FSHR: variants seen among roughly 807,000 people sequenced by gnomAD.
The protein encoded by FSHR is follicle-stimulating hormone receptor.
Under a neutral mutation model 52.1 loss-of-function variants are expected in FSHR, and 46 were observed. The ratio of observed to expected loss-of-function variants is 0.88; its 90% CI spans 0.70 to 1.13. FSHR has a LOEUF of 1.13. Ranked by LOEUF, FSHR falls within the 50% of genes most tolerant of loss-of-function variation. The pLI, the probability that FSHR is intolerant of heterozygous loss-of-function variation, is 0.00. For missense variants in FSHR, 964 were observed against 834.6 expected (o/e 1.16, Z -1.91); for synonymous variants, 399 against 309.6 (o/e 1.29, Z -3.03).
intron 2 of FSHR, among the ~76,000 whole-genome samples, chr2:49,051,681 T>A (rs1263347660): frequency 6.6e-6 from 1 of 152,112 alleles, no homozygotes; most frequent in Non-Finnish European, 1.5e-5. Flanking sequence ...TTTTTTATTG[T>A]CTTTTGAAAA....
chr2:49,152,382 T>C (rs1356341243), intron 1 of FSHR, among the ~76,000 whole-genome samples: 12 of 152,176 alleles, frequency 7.9e-5, no homozygotes, highest in Non-Finnish European at 1.8e-4. Context: ...GTTTTAGTCA[T>C]TTATACCTTA....
At chr2:49,005,356 G>A (rs746424661) in intron 4 of FSHR, among the ~76,000 whole-genome samples, 5 of 152,112 alleles carry the variant, frequency 3.3e-5, no homozygotes, top group African/African-American at 1.2e-4. Flanking sequence ...GAAGATGGTA[G>A]GCAAAGTTGG....
intron 2 of FSHR, among the ~76,000 whole-genome samples, chr2:49,030,307 TG>T (rs1668056884): frequency 3.4e-5 from 5 of 148,416 alleles, no homozygotes; most frequent in African/African-American, 1.2e-4. Context: ...TGTGTGTGTG[TG>T]TGTGTGTTAT....
intron 2 of FSHR, among the ~76,000 whole-genome samples, chr2:49,029,549 T>G (rs985574578): frequency 1.3e-5 from 2 of 152,212 alleles, no homozygotes; most frequent in Admixed American, 1.3e-4. Context: ...AGATCCATTT[T>G]CCTCTGTAAG....
intron 4 of FSHR, among the ~76,000 whole-genome samples, chr2:49,008,848 T>C (rs578126431): frequency 6.7e-6 from 1 of 150,314 alleles, no homozygotes; most frequent in African/African-American, 2.4e-5. Flanking sequence ...TCTGTTCATG[T>C]CCTTCGCCCA....
intron 9 of FSHR, 31 bp downstream of exon 9, chr2:48,968,667 T>A: frequency 6.2e-7 from 1 of 1,611,678 alleles, no homozygotes; most frequent in South Asian, 1.1e-5. Flanking sequence ...ATTGGGGAAA[T>A]GCCTGAGCAG....
intron 4 of FSHR, among the ~76,000 whole-genome samples, chr2:49,002,445 A>G (rs1666929431): frequency 6.6e-6 from 1 of 152,072 alleles, no homozygotes; most frequent in Admixed American, 6.6e-5. Flanking sequence ...TGGGTAACTT[A>G]TAAAAGAGAG....
chr2:49,110,679 A>C (rs548937903), intron 1 of FSHR, among the ~76,000 whole-genome samples: 132 of 152,192 alleles, frequency 8.7e-4, no homozygotes, highest in Middle Eastern at 6.8e-3. Flanking sequence ...CCTGTTAGTC[A>C]ATTTTTCACA....
At chr2:49,127,876 TCTTCTTCTTCTTC>T (rs1672111781) in intron 1 of FSHR, among the ~76,000 whole-genome samples, 1 of 48,992 alleles carries the variant, frequency 2.0e-5, no homozygotes, top group Admixed American at 2.6e-4. Flanking sequence ...TTCTTCTTCT[TCTTCTTCTTCTTC>T]TTCTTCTTCT....
intron 2 of FSHR, among the ~76,000 whole-genome samples, chr2:49,041,597 C>A (rs1390653839): frequency 6.6e-6 from 1 of 152,008 alleles, no homozygotes; most frequent in Non-Finnish European, 1.5e-5. Flanking sequence ...TTTACTATTT[C>A]TAGATTATTC....
intron 1 of FSHR, among the ~76,000 whole-genome samples, chr2:49,081,294 G>T (rs1670160525): frequency 6.6e-6 from 1 of 151,954 alleles, no homozygotes; most frequent in Non-Finnish European, 1.5e-5. Flanking sequence ...ACCAAAATCA[G>T]TATAGTCACT....
In FSHR at chr2:49,152,017, C is replaced by T. The variant is rs756235277; in HGVS notation, c.152+2249G>A. 1.1e-4 allele frequency among the ~76,000 whole-genome samples: 17 copies of T among 152,162 alleles called. No homozygotes were observed. In the Middle Eastern group the frequency reaches 0.01, roughly 91 times the overall value. On this transcript the variant is annotated intron_variant, in intron 1 of 9. Transcript: ENST00000406846. ...CACCTTTCCAAGAAGATTGCAAAGC[C>T]AAACTCTAAGATGGTCCAAGTCAAG...
chr2:48,967,255 A>G (rs770999438), intron 9 of FSHR, among the ~76,000 whole-genome samples: 1 of 151,978 alleles, frequency 6.6e-6, no homozygotes, highest in African/African-American at 2.4e-5. Flanking sequence ...GCCACCACAC[A>G]TGGCTAATTT....
At chr2:49,031,494 A>G (rs1006193802) in intron 2 of FSHR, among the ~76,000 whole-genome samples, 1 of 152,208 alleles carries the variant, frequency 6.6e-6, no homozygotes, top group African/African-American at 2.4e-5. Context: ...ACGTAAAGTA[A>G]CAAAGGTATA....
intron 8 of FSHR, among the ~76,000 whole-genome samples, chr2:48,971,014 A>G (rs921032972): frequency 1.3e-5 from 2 of 152,200 alleles, no homozygotes; most frequent in Non-Finnish European, 1.5e-5. Context: ...CCTCATGACC[A>G]TCTATTGCAA....
chr2:49,092,966 T>C (rs1050459436), intron 1 of FSHR, among the ~76,000 whole-genome samples: 30 of 152,118 alleles, frequency 2.0e-4, no homozygotes, highest in African/African-American at 7.2e-4. Flanking sequence ...ACACCCAGCT[T>C]TGGTTTTGAA....
At chr2:49,098,824 TTATA>T (rs1670921485) in intron 1 of FSHR, among the ~76,000 whole-genome samples, 1 of 146,502 alleles carries the variant, frequency 6.8e-6, no homozygotes, top group African/African-American at 2.5e-5. Flanking sequence ...TTATATATTA[TTATA>T]TATTATATAT....
intron 4 of FSHR, chr2:48,997,143 C>G (rs1676059328): frequency 4.6e-6 from 4 of 860,506 alleles, no homozygotes; most frequent in Non-Finnish European, 5.6e-6. Context: ...CCAGTGGTCT[C>G]TCTAGCTTCT....
At chr2:49,149,425 C>T (rs962784409) in intron 1 of FSHR, among the ~76,000 whole-genome samples, 1 of 152,036 alleles carries the variant, frequency 6.6e-6, no homozygotes, top group East Asian at 1.9e-4. Flanking sequence ...ATCTGAGAGT[C>T]AAGAGGCCTG....
Sources: allele counts gnomAD v4.1 joint callset (sites outside exome capture counted in the v4.1 genomes callset), GRCh38; gene constraint gnomAD v4.1.1; transcripts MANE v1.5; gene names NCBI Gene and HGNC (gene_info 2026-07-23, HGNC 2026-07-21).